Variants in MPV17 observed in about 807,000 individuals in gnomAD.
MPV17 encodes the protein MPV17, mitochondrial inner membrane protein.
Under a neutral mutation model 28.6 loss-of-function variants are expected in MPV17, and 31 were observed. The observed-to-expected ratio is 1.08, with a 90% CI of 0.81 to 1.46. The LOEUF is 1.46. MPV17 is among the 40% of genes most tolerant of loss of function. MPV17 has a pLI of 0.00. For missense variants in MPV17, 198 were observed against 216.2 expected (o/e 0.92, Z 0.53); for synonymous variants, 87 against 85.3 (o/e 1.02, Z -0.11).
At chr2:27,314,836 C>G (rs1024753497) in intron 2 of MPV17, among the ~76,000 whole-genome samples, 20 of 152,270 alleles carry the variant, frequency 1.3e-4, no homozygotes, top group Non-Finnish European at 2.5e-4. Flanking sequence ...AGAACTGGCT[C>G]TGACGTCCAT....
Position 27,322,476 on chromosome 2 carries a change from G to A in MPV17, c.42C>T (p.His14=), listed in dbSNP as rs1257022848. The A allele has an allele frequency of 4.3e-6, 7 of 1,614,000 alleles. No individual in the cohort carries two copies. In the Admixed American group the frequency reaches 8.3e-5, roughly 19 times the overall value. The part of the protein sequence containing the change: ...WRAYQRALAA[H]PWKVQVLTAG... ...CTGTCAGGACCTGTACTTTCCACGG[G>A]TGAGCGGCCAGGGCCCGCTGGTATG... The change falls in exon 2 of 8, where the codon CAC becomes CAT. Residue 14 remains histidine, a synonymous_variant. Coordinates refer to ENST00000380044, the MANE Select transcript of MPV17 (RefSeq NM_002437.5).
chr2:27,316,051 GCCCAAGTGAGGC>G (rs1464665233), intron 2 of MPV17: 12 of 1,549,882 alleles, frequency 7.7e-6, no homozygotes, highest in Non-Finnish European at 1.0e-5. Flanking sequence ...GGGTGTTCCT[GCCCAAGTGAGGC>G]CCCAAAGGGC....
chr2:27,312,454 C>G lies in MPV17; in HGVS notation c.375+40G>C, dbSNP rs1335616090. ...CTGTCTTCTTCCCCTGGGCTGTCAG[C>G]CCGCCAGCCAGAGACATTCTCCACA... On this transcript the variant is annotated intron_variant, in intron 5 of 7. Coordinates refer to ENST00000380044, the MANE Select transcript of MPV17 (RefSeq NM_002437.5). The G allele has an allele frequency of 3.1e-6, 5 of 1,593,906 alleles. No homozygotes were observed. The South Asian group carries it at 5.5e-5, about 18-fold the overall frequency.
intron 2 of MPV17, among the ~76,000 whole-genome samples, chr2:27,315,311 C>G (rs568878823): frequency 6.6e-6 from 1 of 152,310 alleles, no homozygotes; most frequent in South Asian, 2.1e-4. Context: ...CAGGTTTGCT[C>G]CCACCCGCAC....
chr2:27,316,200 A>G, intron 2 of MPV17: 5 of 1,551,092 alleles, frequency 3.2e-6, no homozygotes, highest in Non-Finnish European at 3.5e-6. Context: ...GGAAAGAAAC[A>G]GAGAAGTGTG....
chr2:27,309,872 C>A lies in MPV17; in HGVS notation c.*40G>T. 1 of 1,561,096 alleles carries A rather than the reference C, an allele frequency of 6.4e-7. No homozygotes were observed. The highest frequency in any genetic ancestry group is 2.2e-5 in the East Asian group (1 of 44,654). On this transcript the variant is annotated 3_prime_UTR_variant, in exon 8 of 8. Transcript: ENST00000380044. ...GTTGTCTGACCGTTCCAGGGTCAAGCTGCATCACTGCAAGGTGGAAACGAT... is the reference window on the plus strand; with the variant it reads ...GTTGTCTGACCGTTCCAGGGTCAAGATGCATCACTGCAAGGTGGAAACGAT...
At chr2:27,311,031 CTG>C (rs926291941) in intron 7 of MPV17, 1 of 143,276 alleles carries the variant, frequency 7.0e-6, no homozygotes, top group African/African-American at 2.6e-5. Flanking sequence ...GCGTGAGCCA[CTG>C]TGTCCAGCCT....
intron 2 of MPV17, among the ~76,000 whole-genome samples, chr2:27,318,826 G>A (rs1002620178): frequency 3.3e-5 from 5 of 150,880 alleles, no homozygotes; most frequent in African/African-American, 7.3e-5. Context: ...GTGCTGTAGC[G>A]CAATCTCAGC....
chr2:27,319,709 G>C (rs1269132183), intron 2 of MPV17, among the ~76,000 whole-genome samples: 1 of 151,280 alleles, frequency 6.6e-6, no homozygotes, highest in Non-Finnish European at 1.5e-5. Flanking sequence ...CGGATCACTT[G>C]AGGTCAGGAG....
chr2:27,322,481 C>A lies in MPV17; in HGVS notation c.37G>T (p.Ala13Ser). Residue 13 changes from alanine (A) to serine (S), a missense_variant, in exon 2 of 8, where the codon GCT (alanine) becomes TCT (serine). Coordinates refer to ENST00000380044, the MANE Select transcript of MPV17 (RefSeq NM_002437.5). ...AGGACCTGTACTTTCCACGGGTGAG[C>A]GGCCAGGGCCCGCTGGTATGCCCGC... is the stretch of plus-strand genomic sequence containing the variant. ...LWRAYQRALA[A>S]HPWKVQVLTA... is the part of the protein sequence containing the mutation. 1 of 1,614,034 alleles carries A rather than the reference C, an allele frequency of 6.2e-7. No homozygotes were observed. The highest frequency in any genetic ancestry group is 8.5e-7 in the Non-Finnish European group (1 of 1,180,030).
intron 2 of MPV17, among the ~76,000 whole-genome samples, chr2:27,316,496 T>A (rs1251860806): frequency 6.6e-6 from 1 of 152,208 alleles, no homozygotes; most frequent in African/African-American, 2.4e-5. Flanking sequence ...TCAGGCCCCC[T>A]GTGCCTGCAG....
intron 2 of MPV17, chr2:27,316,232 G>A: frequency 6.5e-7 from 1 of 1,546,644 alleles, no homozygotes; most frequent in African/African-American, 1.4e-5. Flanking sequence ...TTCATGACTT[G>A]CCAACAGTCA....
At chr2:27,313,931 T>C (rs897410294) in intron 2 of MPV17, among the ~76,000 whole-genome samples, 2 of 152,186 alleles carry the variant, frequency 1.3e-5, no homozygotes, top group African/African-American at 4.8e-5. Context: ...AGGCTGATCT[T>C]GAACCCCTGA....
At chr2:27,312,946 T>C in intron 3 of MPV17, 48 bp downstream of exon 3, 1 of 1,603,836 alleles carries the variant, frequency 6.2e-7, no homozygotes, top group Non-Finnish European at 8.5e-7. Flanking sequence ...GGCAAAGAAC[T>C]AAGACCACTG....
At position 27,312,487 on chromosome 2, in the gene MPV17, A is replaced by G. The variant is rs1572543125; in HGVS notation, c.375+7T>C. ...CCAGAGACATTCTCCACACCTGCCC[A>G]GCTCACCCGCTGTAGTTTGGCCCAG... On this transcript the variant is annotated splice_region_variant and intron_variant, in intron 5 of 7. Transcript: ENST00000380044. 2.5e-6 allele frequency: 4 copies of G among 1,613,828 alleles called. No homozygotes were observed. In the East Asian group the frequency reaches 8.9e-5, roughly 36 times the overall value.
intron 2 of MPV17, chr2:27,322,212 T>C: frequency 1.7e-6 from 1 of 589,126 alleles, no homozygotes. Flanking sequence ...TTCAGCTTTT[T>C]GAGGACTTTG....
At chr2:27,316,883 C>T in intron 2 of MPV17, 1 of 536,570 alleles carries the variant, frequency 1.9e-6, no homozygotes, top group East Asian at 3.2e-5. Flanking sequence ...GACATCATGC[C>T]CCTGGGTAGG....
chr2:27,312,217 G>A lies in MPV17; in HGVS notation c.405C>T (p.Tyr135=), dbSNP rs774833271. The change falls in exon 6 of 8, where the codon TAC becomes TAT. Residue 135 remains tyrosine (Y), a synonymous_variant. Coordinates refer to ENST00000380044, the MANE Select transcript of MPV17 (RefSeq NM_002437.5). ...CAGTTGAGGTGTCAGCTCTTACATA[G>A]TAGTTGGTGATAAGGGCATCAGGAT... is the stretch of plus-strand genomic sequence containing the variant. ...RDYPDALITN[Y]YLWPAVQLAN... The A allele has an allele frequency of 6.2e-7, 1 of 1,613,908 alleles. No individual in the cohort carries two copies. The highest frequency in any genetic ancestry group is 1.7e-5 in the Admixed American group (1 of 59,996).
At chr2:27,316,593 C>T (rs1182927530) in intron 2 of MPV17, among the ~76,000 whole-genome samples, 8 of 152,228 alleles carry the variant, frequency 5.3e-5, no homozygotes, top group Non-Finnish European at 1.2e-4. Context: ...AGGAAGGACC[C>T]AGACATTCAG....
Sources: allele counts gnomAD v4.1 joint callset (sites outside exome capture counted in the v4.1 genomes callset), GRCh38; gene constraint gnomAD v4.1.1; transcripts MANE v1.5; gene names NCBI Gene and HGNC (gene_info 2026-07-23, HGNC 2026-07-21).